Variants in PRKN observed in about 807,000 individuals in gnomAD.
The protein encoded by PRKN is E3 ubiquitin-protein ligase parkin.
Under a neutral mutation model 59.5 loss-of-function variants are expected in PRKN, and 56 were observed. That is an observed-to-expected ratio of 0.94 (90% CI 0.76 to 1.18). The LOEUF is 1.18. PRKN is among the 50% of genes most tolerant of loss of function. The probability of loss-of-function intolerance (pLI) is 0.00; values close to 1 mark genes in which losing one functional copy is unlikely to be tolerated. For missense variants in PRKN, 657 were observed against 596.4 expected (o/e 1.10, Z -1.06); for synonymous variants, 250 against 222.1 (o/e 1.13, Z -1.12).
At chr6:162,108,618 T>C (rs994207639) in intron 4 of PRKN, among the ~76,000 whole-genome samples, 2 of 152,156 alleles carry the variant, frequency 1.3e-5, no homozygotes, top group African/African-American at 2.4e-5. Flanking sequence ...AAAAAGGTCA[T>C]TAAATTGTTG....
chr6:161,404,660 G>C (rs1190131372), intron 9 of PRKN, among the ~76,000 whole-genome samples: 1 of 152,182 alleles, frequency 6.6e-6, no homozygotes. Flanking sequence ...CTATGGCTCT[G>C]TGTTCAGAAA....
intron 6 of PRKN, among the ~76,000 whole-genome samples, chr6:161,832,198 C>A (rs757330664): frequency 1.7e-4 from 26 of 152,196 alleles, no homozygotes; most frequent in Non-Finnish European, 2.8e-4. Context: ...ATTAGGGATG[C>A]CTGATGTTTT....
At chr6:162,601,170 G>A (rs1011770962) in intron 1 of PRKN, among the ~76,000 whole-genome samples, 3 of 152,116 alleles carry the variant, frequency 2.0e-5, no homozygotes, top group East Asian at 1.9e-4. Context: ...AAAAGCATGC[G>A]CGTCAGCTTG....
intron 7 of PRKN, among the ~76,000 whole-genome samples, chr6:161,770,089 C>A (rs1789600655): frequency 6.6e-6 from 1 of 152,084 alleles, no homozygotes; most frequent in African/African-American, 2.4e-5. Context: ...CATCCTGAAA[C>A]GTCTGCTAGT....
chr6:162,092,513 A>T (rs1562508194), intron 4 of PRKN, among the ~76,000 whole-genome samples: 1 of 152,182 alleles, frequency 6.6e-6, no homozygotes, highest in Non-Finnish European at 1.5e-5. Context: ...TCTACTGCTA[A>T]TCTATTAATT....
intron 4 of PRKN, among the ~76,000 whole-genome samples, chr6:162,064,863 C>A (rs1157101127): frequency 6.6e-6 from 1 of 152,220 alleles, no homozygotes; most frequent in Non-Finnish European, 1.5e-5. Flanking sequence ...CCCCAGAATT[C>A]TCATTAATGG....
chr6:161,379,941 C>T lies in PRKN; in HGVS notation c.1167+6853G>A, dbSNP rs990319677. Among the ~76,000 whole-genome samples, 1 of 152,198 alleles carries T rather than the reference C, an allele frequency of 6.6e-6. No homozygotes were observed. The highest frequency in any genetic ancestry group is 1.5e-5 in the Non-Finnish European group (1 of 68,038). ...TACAGCCAGAGATCTTTCGAAAGCACCCATCTGATGACGTCAATCTTTAAA... is the reference window on the plus strand; with the variant it reads ...TACAGCCAGAGATCTTTCGAAAGCATCCATCTGATGACGTCAATCTTTAAA... On this transcript the variant is annotated intron_variant, in intron 10 of 11. Coordinates refer to ENST00000366898, the MANE Select transcript of PRKN (RefSeq NM_004562.3). The surrounding 1 kb of genome is among the most constrained non-coding windows in gnomAD (Gnocchi z 4.9).
chr6:161,935,963 T>A (rs1490461426), intron 6 of PRKN, among the ~76,000 whole-genome samples: 1 of 152,214 alleles, frequency 6.6e-6, no homozygotes, highest in African/African-American at 2.4e-5. Context: ...TTGAGCAAGC[T>A]TTCCTCTTGA....
intron 3 of PRKN, among the ~76,000 whole-genome samples, chr6:162,201,521 G>A (rs763411477): frequency 6.6e-5 from 10 of 152,130 alleles, no homozygotes; most frequent in South Asian, 2.1e-4. Context: ...AGAGAATCGG[G>A]CAAGTGTATC....
intron 3 of PRKN, among the ~76,000 whole-genome samples, chr6:162,251,693 A>G (rs1187887098): frequency 6.6e-6 from 1 of 152,238 alleles, no homozygotes; most frequent in African/African-American, 2.4e-5. Context: ...TTATGTATGC[A>G]CATGCATAAA....
chr6:162,400,404 T>G (rs1417002915), intron 2 of PRKN, among the ~76,000 whole-genome samples: 2 of 138,010 alleles, frequency 1.4e-5, no homozygotes, highest in African/African-American at 5.5e-5. Flanking sequence ...TTCACTTATG[T>G]GGAGAAATAA....
At chr6:161,719,028 T>A (rs1356883994) in intron 7 of PRKN, among the ~76,000 whole-genome samples, 1 of 152,202 alleles carries the variant, frequency 6.6e-6, no homozygotes, top group Non-Finnish European at 1.5e-5. Flanking sequence ...TTACAAAGAC[T>A]TTCTTATTTG....
intron 1 of PRKN, among the ~76,000 whole-genome samples, chr6:162,694,382 C>G (rs1054182597): frequency 6.6e-6 from 1 of 152,066 alleles, no homozygotes; most frequent in African/African-American, 2.4e-5. Flanking sequence ...CAGCAGAATG[C>G]GAGGCCTTCA....
chr6:162,315,207 T>C (rs1436375033), intron 2 of PRKN, among the ~76,000 whole-genome samples: 1 of 152,186 alleles, frequency 6.6e-6, no homozygotes. Flanking sequence ...AGCCATGAAC[T>C]CTAACGACCG....
chr6:162,428,567 G>A (rs1240261183), intron 2 of PRKN, among the ~76,000 whole-genome samples: 1 of 152,010 alleles, frequency 6.6e-6, no homozygotes, highest in African/African-American at 2.4e-5. Flanking sequence ...GTGCCTGGTG[G>A]CATCAACATC....
intron 1 of PRKN, among the ~76,000 whole-genome samples, chr6:162,527,955 C>A (rs1209744996): frequency 6.6e-6 from 1 of 151,730 alleles, no homozygotes; most frequent in African/African-American, 2.4e-5. Context: ...AGAGGCATGG[C>A]CCAAAGAGAC....
chr6:161,607,146 T>C (rs1251091874), intron 7 of PRKN, among the ~76,000 whole-genome samples: 2 of 152,192 alleles, frequency 1.3e-5, no homozygotes, highest in African/African-American at 4.8e-5. Context: ...TGTGGAGTCC[T>C]ACCACCCTAG....
intron 6 of PRKN, among the ~76,000 whole-genome samples, chr6:161,910,029 A>T (rs1383739444): frequency 2.0e-5 from 3 of 152,204 alleles, no homozygotes; most frequent in African/African-American, 7.2e-5. Context: ...TGCTGACGCT[A>T]GCCCTCATGG....
At chr6:162,481,071 C>T (rs1315901805) in intron 1 of PRKN, among the ~76,000 whole-genome samples, 5 of 152,132 alleles carry the variant, frequency 3.3e-5, no homozygotes, top group African/African-American at 1.2e-4. Context: ...GATCTGCCTA[C>T]CTCAGCCTCT....
Sources: allele counts gnomAD v4.1 joint callset (sites outside exome capture counted in the v4.1 genomes callset), GRCh38; gene constraint gnomAD v4.1.1; non-coding constraint Gnocchi (gnomAD v3.1); transcripts MANE v1.5; gene names NCBI Gene and HGNC (gene_info 2026-07-23, HGNC 2026-07-21).